Variants in FSD1L observed in about 807,000 individuals in gnomAD.
FSD1L encodes FSD1-like protein.
In FSD1L, 45 loss-of-function variants were observed where a neutral mutation model predicts 71.6. That is an observed-to-expected ratio of 0.63 (90% confidence interval 0.49 to 0.81). FSD1L has a LOEUF of 0.81. Ranked by LOEUF, FSD1L falls within the 30% of genes least tolerant of loss-of-function variation. The pLI, the probability that FSD1L is intolerant of heterozygous loss-of-function variation, is 0.00. For missense variants in FSD1L, 561 were observed against 618.1 expected (o/e 0.91, Z 0.98); for synonymous variants, 197 against 207.2 (o/e 0.95, Z 0.42).
At chr9:105,533,103 T>C (rs1440981324) in intron 10 of FSD1L, among the ~76,000 whole-genome samples, 5 of 152,206 alleles carry the variant, frequency 3.3e-5, no homozygotes, top group Non-Finnish European at 5.9e-5. Context: ...AAAAAGTGTT[T>C]TTATTTCTAA....
intron 7 of FSD1L, among the ~76,000 whole-genome samples, chr9:105,489,011 A>G (rs953284917): frequency 6.6e-6 from 1 of 152,030 alleles, no homozygotes; most frequent in South Asian, 2.1e-4. Context: ...CACATGTACA[A>G]TTTTTTTAAG....
intron 5 of FSD1L, among the ~76,000 whole-genome samples, chr9:105,478,459 A>T (rs909646068): frequency 2.6e-5 from 4 of 152,214 alleles, no homozygotes; most frequent in African/African-American, 9.6e-5. Flanking sequence ...TTTGCTAGGC[A>T]CTGGGGATAC....
At chr9:105,520,770 C>T (rs1485896900) in intron 10 of FSD1L, 1 of 1,612,520 alleles carries the variant, frequency 6.2e-7, no homozygotes, top group Admixed American at 1.7e-5. Flanking sequence ...TTTAGATAAT[C>T]TCATTAATCC....
At chr9:105,487,622 TTA>T (rs1217683258) in intron 7 of FSD1L, among the ~76,000 whole-genome samples, 31 of 152,214 alleles carry the variant, frequency 2.0e-4, no homozygotes, top group African/African-American at 7.5e-4. Flanking sequence ...GTAGGACCTT[TTA>T]ATGTATTAAG....
chr9:105,489,214 A>G (rs1477727976), intron 7 of FSD1L, among the ~76,000 whole-genome samples: 1 of 152,258 alleles, frequency 6.6e-6, no homozygotes, highest in African/African-American at 2.4e-5. Context: ...CCCACCTATT[A>G]GGTAAAATGC....
chr9:105,538,712 G>A (rs565726820), intron 12 of FSD1L, among the ~76,000 whole-genome samples: 94 of 152,220 alleles, frequency 6.2e-4, no homozygotes, highest in African/African-American at 2.2e-3. Context: ...TGAGGTGGAG[G>A]ATTGCTTGAG....
intron 7 of FSD1L, among the ~76,000 whole-genome samples, chr9:105,495,317 T>A (rs903296782): frequency 1.3e-5 from 2 of 152,040 alleles, no homozygotes; most frequent in South Asian, 4.1e-4. Context: ...GTGCGGGATA[T>A]AATCTCCTGG....
intron 10 of FSD1L, chr9:105,522,366 C>A: frequency 6.2e-7 from 1 of 1,614,008 alleles, no homozygotes; most frequent in Non-Finnish European, 8.5e-7. Context: ...AGGAGTTGGA[C>A]ATGAATTTCA....
At chr9:105,533,430 T>TTTTTTTTTTTTTTTTG in intron 10 of FSD1L, among the ~76,000 whole-genome samples, 1 of 104,262 alleles carries the variant, frequency 9.6e-6, no homozygotes, top group African/African-American at 3.6e-5. Flanking sequence ...TTTTTTTTTT[T>TTTTTTTTTTTTTTTTG]TTTTTTTTTT....
chr9:105,502,665 T>TA (rs376327478), intron 7 of FSD1L, among the ~76,000 whole-genome samples: 121 of 151,240 alleles, frequency 8.0e-4, no homozygotes, highest in Middle Eastern at 3.4e-3. Flanking sequence ...ACTACTTTGA[T>TA]AAAAAAAAAT....
Position 105,548,847 on chromosome 9 carries a change from A to G in FSD1L, c.*2364A>G, listed in dbSNP as rs1299887326. 2.0e-5 allele frequency: 3 copies of G among 152,028 alleles called. No individual in the cohort carries two copies. The highest frequency in any genetic ancestry group is 4.4e-5 in the Non-Finnish European group (3 of 67,962). The allele number at this position is 152,028 out of a possible 1,614,324, so 9.4% of individuals were successfully genotyped here. ...CTTACTGGCGTTCTTAAAGGTCTCT[A>G]AAATTAAAGAACAAGATGTGGTTTT... On this transcript the variant is annotated 3_prime_UTR_variant, in exon 14 of 14. Transcript: ENST00000481272.
At chr9:105,470,580 T>G (rs2131639787) in intron 4 of FSD1L, among the ~76,000 whole-genome samples, 1 of 152,274 alleles carries the variant, frequency 6.6e-6, no homozygotes, top group East Asian at 1.9e-4. Context: ...ATGCAAATTT[T>G]TGTGTGTTGA....
chr9:105,521,553 A>G, intron 10 of FSD1L: 27 of 1,613,832 alleles, frequency 1.7e-5, no homozygotes, highest in East Asian at 2.2e-5. Flanking sequence ...AAAAGTGGTA[A>G]AAGTATATCA....
intron 7 of FSD1L, among the ~76,000 whole-genome samples, chr9:105,489,733 C>A (rs915636705): frequency 6.6e-6 from 1 of 152,226 alleles, no homozygotes; most frequent in South Asian, 2.1e-4. Flanking sequence ...TCAATTCCCA[C>A]CTATGAGTGA....
Position 105,534,541 on chromosome 9 carries a change from A to G in FSD1L, c.1074A>G (p.Pro358=), listed in dbSNP as rs376794284. The G allele has an allele frequency of 6.4e-7, 1 of 1,551,350 alleles. No homozygotes were observed. Among genetic ancestry groups the G allele is most frequent in the Non-Finnish European group, 8.7e-7 (1 of 1,146,390 alleles). Residue 358 remains proline, a synonymous_variant, in exon 11 of 14, where the codon CCA becomes CCG. Coordinates refer to ENST00000481272, the MANE Select transcript of FSD1L (RefSeq NM_001145313.3). ...GAACATCTGTAGGCTCCAGGCCACCAGCAGTAAGAGGCAGTAGAGATCGTT... is the reference window on the plus strand; with the variant it reads ...GAACATCTGTAGGCTCCAGGCCACCGGCAGTAAGAGGCAGTAGAGATCGTT... The part of the protein sequence containing the change: ...PKRTSVGSRP[P]AVRGSRDRFT...
At chr9:105,541,340 T>G (rs1458740990) in intron 13 of FSD1L, among the ~76,000 whole-genome samples, 1 of 151,508 alleles carries the variant, frequency 6.6e-6, no homozygotes, top group Non-Finnish European at 1.5e-5. Flanking sequence ...TACGCATTTT[T>G]GGCTATTTTT....
At chr9:105,446,711 C>CTTTTT (rs59960095), upstream of FSD1L, among the ~76,000 whole-genome samples, 11 of 139,080 alleles carry the variant, frequency 7.9e-5, 1 homozygote, top group Non-Finnish European at 1.2e-4. Context: ...AGCACGTTAA[C>CTTTTT]TTTTTTTTTT....
chr9:105,523,324 T>C, intron 10 of FSD1L: 1 of 1,590,724 alleles, frequency 6.3e-7, no homozygotes, highest in East Asian at 2.2e-5. Context: ...GATGAGAAGC[T>C]CCACCACGCT....
chr9:105,529,920 TG>T (rs576803065), intron 10 of FSD1L, among the ~76,000 whole-genome samples: 156 of 152,260 alleles, frequency 1.0e-3, no homozygotes, highest in African/African-American at 3.6e-3. Flanking sequence ...GGAAAATGTA[TG>T]GTTGTTAGAC....
Sources: allele counts gnomAD v4.1 joint callset (sites outside exome capture counted in the v4.1 genomes callset), GRCh38; gene constraint gnomAD v4.1.1; transcripts MANE v1.5; gene names NCBI Gene and HGNC (gene_info 2026-07-23, HGNC 2026-07-21).